The following PTPRT variants were observed in gnomAD, a reference collection of about 807,000 sequenced individuals.
PTPRT encodes protein tyrosine phosphatase receptor type T, also known as receptor-type tyrosine-protein phosphatase T.
Under a neutral mutation model 176.8 loss-of-function variants are expected in PTPRT, and 56 were observed. The ratio of observed to expected loss-of-function variants is 0.32; its 90% CI spans 0.26 to 0.40. The LOEUF (loss-of-function observed/expected upper bound fraction) is 0.40. Among genes scored for constraint, PTPRT ranks in the 10% least tolerant of loss-of-function variants. The probability of loss-of-function intolerance (pLI) is 1.00; values close to 1 mark genes in which losing one functional copy is unlikely to be tolerated. For missense variants in PTPRT, 1,540 were observed against 1,908.2 expected (o/e 0.81, Z 3.60); for synonymous variants, 783 against 739.0 (o/e 1.06, Z -0.96).
At chr20:42,761,029 A>G (rs1015732452) in intron 5 of PTPRT, among the ~76,000 whole-genome samples, 1 of 152,228 alleles carries the variant, frequency 6.6e-6, no homozygotes, top group African/African-American at 2.4e-5. Flanking sequence ...TCATGGAGGA[A>G]AACAGGTCTG....
chr20:42,627,538 C>T (rs2074315641), intron 7 of PTPRT, among the ~76,000 whole-genome samples: 1 of 152,082 alleles, frequency 6.6e-6, no homozygotes, highest in East Asian at 1.9e-4. Context: ...TCCCAAAGCA[C>T]TGGGGTTACA....
chr20:42,809,850 C>A (rs1337045298), intron 2 of PTPRT, among the ~76,000 whole-genome samples: 1 of 152,128 alleles, frequency 6.6e-6, no homozygotes, highest in East Asian at 1.9e-4. Context: ...CTGCAAAGAT[C>A]TTTTTTCTAC....
chr20:42,672,277 T>C (rs1240575741), intron 7 of PTPRT, among the ~76,000 whole-genome samples: 1 of 152,134 alleles, frequency 6.6e-6, no homozygotes, highest in African/African-American at 2.4e-5. Flanking sequence ...ATGTAAAGAC[T>C]AGACTGGCTT....
intron 1 of PTPRT, among the ~76,000 whole-genome samples, chr20:42,939,449 C>G (rs1421572854): frequency 6.6e-6 from 1 of 152,154 alleles, no homozygotes; most frequent in Non-Finnish European, 1.5e-5. Flanking sequence ...CTGTCTTCCC[C>G]CCTCCTTTTC....
chr20:42,373,897 A>G lies in PTPRT; in HGVS notation c.1561-21612T>C, dbSNP rs187950822. ...CAGGAACCACAGGTCAAAGATGCCA[A>G]TGAAGCACCTCACAGCATGAGTCAT... On this transcript the variant is annotated intron_variant, in intron 9 of 30. Transcript: ENST00000373187. 1.6e-4 allele frequency among the ~76,000 whole-genome samples: 25 copies of G among 152,326 alleles called. No individual in the cohort carries two copies. In the South Asian group the frequency reaches 2.5e-3, roughly 15 times the overall value.
intron 18 of PTPRT, among the ~76,000 whole-genome samples, chr20:42,132,873 G>A (rs1174094916): frequency 6.6e-6 from 1 of 152,204 alleles, no homozygotes; most frequent in African/African-American, 2.4e-5. Context: ...GCACATGGAT[G>A]TTTATAGCAG....
intron 16 of PTPRT, among the ~76,000 whole-genome samples, chr20:42,191,431 G>A (rs1991000059): frequency 6.6e-6 from 1 of 152,206 alleles, no homozygotes; most frequent in Admixed American, 6.5e-5. Flanking sequence ...GTAGCTCTCT[G>A]AACTCCCAGT....
chr20:42,128,722 G>A (rs765797219), intron 19 of PTPRT, 32 bp downstream of exon 19: 2 of 1,536,262 alleles, frequency 1.3e-6, no homozygotes, highest in South Asian at 2.5e-5. Context: ...GCAAAAGCCA[G>A]CCCCAGCCCC....
intron 1 of PTPRT, among the ~76,000 whole-genome samples, chr20:43,085,298 C>T (rs1163868800): frequency 1.3e-5 from 2 of 152,188 alleles, no homozygotes; most frequent in East Asian, 1.9e-4. Flanking sequence ...ACACCAAACT[C>T]TACAAGGTGT....
At chr20:43,092,377 C>T (rs938115899) in intron 1 of PTPRT, among the ~76,000 whole-genome samples, 3 of 152,162 alleles carry the variant, frequency 2.0e-5, no homozygotes, top group Admixed American at 6.5e-5. Context: ...CAGGAGGCTT[C>T]CCAAATGCCA....
chr20:42,997,527 G>C (rs778042602), intron 1 of PTPRT, among the ~76,000 whole-genome samples: 7 of 152,076 alleles, frequency 4.6e-5, no homozygotes, highest in Non-Finnish European at 8.8e-5. Context: ...CCCTCAAACT[G>C]TCCCAGCAGA....
chr20:43,031,265 C>A (rs1208827951), intron 1 of PTPRT, among the ~76,000 whole-genome samples: 3 of 152,154 alleles, frequency 2.0e-5, no homozygotes, highest in African/African-American at 7.2e-5. Context: ...GCAGCTGGGG[C>A]AGTGAGTGCC....
chr20:42,569,277 A>G (rs1435501670), intron 7 of PTPRT, among the ~76,000 whole-genome samples: 1 of 151,344 alleles, frequency 6.6e-6, no homozygotes, highest in Admixed American at 6.6e-5. Flanking sequence ...ATACTTCACT[A>G]TGAAATTAGA....
At chr20:42,851,352 A>C (rs2078465995) in intron 2 of PTPRT, among the ~76,000 whole-genome samples, 1 of 152,196 alleles carries the variant, frequency 6.6e-6, no homozygotes, top group African/African-American at 2.4e-5. Context: ...CTGTGCTTTT[A>C]ACAACGCTGA....
chr20:42,885,213 A>AAT (rs1030208932), intron 2 of PTPRT, among the ~76,000 whole-genome samples: 4 of 147,286 alleles, frequency 2.7e-5, no homozygotes, highest in Non-Finnish European at 4.5e-5. Context: ...AGTATCCCTA[A>AAT]ATATATATAT....
intron 8 of PTPRT, among the ~76,000 whole-genome samples, chr20:42,470,837 C>G (rs1016264478): frequency 6.6e-6 from 1 of 151,774 alleles, no homozygotes; most frequent in African/African-American, 2.4e-5. Context: ...GTTATGTGTT[C>G]TAGCAGTAGT....
intron 7 of PTPRT, among the ~76,000 whole-genome samples, chr20:42,497,612 T>G (rs1190957011): frequency 6.6e-6 from 1 of 152,084 alleles, no homozygotes; most frequent in Admixed American, 6.6e-5. Context: ...AAACGAAATC[T>G]TTTTCAAAAA....
chr20:43,100,879 T>C (rs2012369869), intron 1 of PTPRT, among the ~76,000 whole-genome samples: 1 of 151,136 alleles, frequency 6.6e-6, no homozygotes, highest in Non-Finnish European at 1.5e-5. Context: ...CTATCACTCT[T>C]GTGCACATGT....
At chr20:42,834,583 A>G (rs1458899966) in intron 2 of PTPRT, among the ~76,000 whole-genome samples, 2 of 152,222 alleles carry the variant, frequency 1.3e-5, no homozygotes, top group African/African-American at 4.8e-5. Flanking sequence ...GGATTTATTC[A>G]TAATCACCAA....
Sources: gnomAD v4.1 joint callset for allele counts (sites outside exome capture counted in the v4.1 genomes callset) on GRCh38, gnomAD v4.1.1 for gene constraint, MANE v1.5 for transcripts, NCBI Gene and HGNC (gene_info 2026-07-23, HGNC 2026-07-21) for gene names.